Variants in LRP1B observed in about 807,000 individuals in gnomAD.
LRP1B encodes the protein low-density lipoprotein receptor-related protein 1B.
LRP1B carries 217 observed loss-of-function variants against 556.6 expected under a neutral mutation model. That is an observed-to-expected ratio of 0.39 (90% CI 0.35 to 0.44). The LOEUF is 0.44. Among genes scored for constraint, LRP1B ranks in the 20% least tolerant of loss-of-function variants. LRP1B has a pLI of 1.00. For synonymous variants in LRP1B, 2,047 were observed against 1,865.8 expected (o/e 1.10, Z -2.50); for missense variants, 5,053 against 5,620.8 (o/e 0.90, Z 3.23).
chr2:141,437,196 T>C (rs1164317607), intron 3 of LRP1B, among the ~76,000 whole-genome samples: 2 of 152,134 alleles, frequency 1.3e-5, no homozygotes, highest in Non-Finnish European at 2.9e-5. Flanking sequence ...AAATTATTAA[T>C]ATATGAATAT....
At chr2:141,850,063 G>T (rs770165541) in intron 1 of LRP1B, among the ~76,000 whole-genome samples, 2 of 151,634 alleles carry the variant, frequency 1.3e-5, no homozygotes, top group African/African-American at 2.4e-5. Context: ...TTTAGTTTAT[G>T]TTTACCACCT....
chr2:141,477,147 AAAC>A (rs1220348694), intron 3 of LRP1B, among the ~76,000 whole-genome samples: 13 of 120,226 alleles, frequency 1.1e-4, no homozygotes, highest in Admixed American at 2.6e-4. Context: ...CAAACAAAAA[AAAC>A]CCCAAAAAAC....
chr2:141,870,696 A>C (rs567613209), intron 1 of LRP1B, among the ~76,000 whole-genome samples: 1 of 152,048 alleles, frequency 6.6e-6, no homozygotes, highest in Non-Finnish European at 1.5e-5. Context: ...AACTTTTCTT[A>C]TATTTGCTGT....
chr2:141,056,129 T>G (rs1024887200), intron 9 of LRP1B, among the ~76,000 whole-genome samples: 1 of 151,934 alleles, frequency 6.6e-6, no homozygotes, highest in South Asian at 2.1e-4. Context: ...ATTATGCCTA[T>G]TATCTTTGTA....
At chr2:140,448,586 G>T (rs941227624) in intron 63 of LRP1B, among the ~76,000 whole-genome samples, 2 of 151,960 alleles carry the variant, frequency 1.3e-5, no homozygotes, top group Admixed American at 1.3e-4. Context: ...ATAAAATGAT[G>T]GTTACCAGAG....
chr2:140,522,523 G>GA (rs1297610936), intron 49 of LRP1B, among the ~76,000 whole-genome samples: 1 of 151,408 alleles, frequency 6.6e-6, no homozygotes, highest in East Asian at 1.9e-4. Context: ...ACCAAGGAAA[G>GA]AAAAAAACTA....
chr2:141,196,965 T>C (rs1475293822), intron 6 of LRP1B, among the ~76,000 whole-genome samples: 1 of 152,070 alleles, frequency 6.6e-6, no homozygotes, highest in Non-Finnish European at 1.5e-5. Flanking sequence ...AGAGAATAAG[T>C]TTCATGAGAT....
intron 3 of LRP1B, among the ~76,000 whole-genome samples, chr2:141,385,907 A>G (rs761207448): frequency 3.9e-5 from 6 of 152,136 alleles, no homozygotes; most frequent in Non-Finnish European, 7.4e-5. Context: ...TATTTTTTCA[A>G]TGTATTAATG....
intron 83 of LRP1B, among the ~76,000 whole-genome samples, chr2:140,308,487 C>A (rs541670571): frequency 6.6e-6 from 1 of 151,726 alleles, no homozygotes; most frequent in African/African-American, 2.4e-5. Flanking sequence ...TATTAGTCTG[C>A]TCTCTTTTTA....
At chr2:142,011,693 C>T (rs1290881372) in intron 1 of LRP1B, among the ~76,000 whole-genome samples, 1 of 152,202 alleles carries the variant, frequency 6.6e-6, no homozygotes. Flanking sequence ...ACTGAACCCA[C>T]CATTCTAGAA....
At chr2:142,060,225 T>G (rs1422480770) in intron 1 of LRP1B, among the ~76,000 whole-genome samples, 1 of 152,096 alleles carries the variant, frequency 6.6e-6, no homozygotes, top group Non-Finnish European at 1.5e-5. Context: ...TCTTCCTCTT[T>G]GTGATAGGAG....
intron 5 of LRP1B, among the ~76,000 whole-genome samples, chr2:141,243,058 A>G (rs1382368789): frequency 1.3e-5 from 2 of 151,890 alleles, no homozygotes; most frequent in Non-Finnish European, 2.9e-5. Flanking sequence ...CTACAACTCT[A>G]CTCTCAAAAA....
intron 2 of LRP1B, among the ~76,000 whole-genome samples, chr2:141,551,316 A>G (rs1365718483): frequency 6.6e-6 from 1 of 152,016 alleles, no homozygotes; most frequent in Non-Finnish European, 1.5e-5. Flanking sequence ...CAATAGTCCA[A>G]GGTTATTCAT....
At chr2:141,045,769 G>A (rs1698851430) in intron 11 of LRP1B, among the ~76,000 whole-genome samples, 2 of 151,850 alleles carry the variant, frequency 1.3e-5, no homozygotes, top group African/African-American at 4.8e-5. Context: ...ACTTTTTATT[G>A]ACTGAAAAAT....
chr2:140,599,955 G>T (rs1183432886), intron 42 of LRP1B, among the ~76,000 whole-genome samples: 1 of 152,018 alleles, frequency 6.6e-6, no homozygotes, highest in African/African-American at 2.4e-5. Context: ...TACAATGGTG[G>T]TTTGAAGGTG....
At chr2:140,668,295 G>A (rs1685353225) in intron 41 of LRP1B, among the ~76,000 whole-genome samples, 1 of 128,096 alleles carries the variant, frequency 7.8e-6, no homozygotes, top group South Asian at 2.6e-4. Flanking sequence ...GGGTGACAGA[G>A]CGAGACTCCG....
intron 20 of LRP1B, among the ~76,000 whole-genome samples, chr2:140,936,590 G>A (rs1406018909): frequency 1.3e-5 from 2 of 152,058 alleles, no homozygotes; most frequent in East Asian, 1.9e-4. Context: ...ACCTTAAGGT[G>A]TATAAAGGAA....
chr2:140,283,817 A>G (rs1268522072), intron 84 of LRP1B, among the ~76,000 whole-genome samples: 3 of 151,788 alleles, frequency 2.0e-5, no homozygotes, highest in Non-Finnish European at 4.4e-5. Context: ...ATTTTTGTTT[A>G]TAAACAGTGT....
At chr2:140,985,973 TTTTAA>T (rs1024172093) in intron 17 of LRP1B, among the ~76,000 whole-genome samples, 19 of 151,862 alleles carry the variant, frequency 1.3e-4, no homozygotes, top group African/African-American at 4.1e-4. Flanking sequence ...AGGTAACTAC[TTTTAA>T]TTTGTTTTTA....
Sources: gnomAD v4.1 joint callset for allele counts (sites outside exome capture counted in the v4.1 genomes callset) on GRCh38, gnomAD v4.1.1 for gene constraint, MANE v1.5 for transcripts, NCBI Gene and HGNC (gene_info 2026-07-23, HGNC 2026-07-21) for gene names.